Variants in EXOC4 observed in about 807,000 individuals in gnomAD.
EXOC4 encodes SEC8-like 1.
EXOC4 carries 71 observed loss-of-function variants against 107.2 expected under a neutral mutation model. The ratio of observed to expected loss-of-function variants is 0.66; its 90% confidence interval spans 0.55 to 0.81. The LOEUF is 0.81. Ranked by LOEUF, EXOC4 falls within the 30% of genes least tolerant of loss-of-function variation. The pLI is 0.00. For missense variants in EXOC4, 1,108 were observed against 1,189.6 expected, an observed-to-expected ratio of 0.93 and a Z score of 1.01; for synonymous variants, 456 against 441.2, an observed-to-expected ratio of 1.03 and a Z score of -0.42.
chr7:133,823,752 G>T (rs1346345448), intron 11 of EXOC4, among the ~76,000 whole-genome samples: 1 of 142,774 alleles, frequency 7.0e-6, no homozygotes, highest in African/African-American at 2.6e-5. Flanking sequence ...GGAGCTGGAG[G>T]TTGTAGTGAG....
intron 9 of EXOC4, among the ~76,000 whole-genome samples, chr7:133,613,772 G>A (rs1222737259): frequency 1.3e-5 from 2 of 152,084 alleles, no homozygotes; most frequent in Non-Finnish European, 2.9e-5. Flanking sequence ...TGAAAACCTT[G>A]TTCTTTTCAC....
At chr7:134,025,272 T>C (rs577640117) in intron 17 of EXOC4, among the ~76,000 whole-genome samples, 3 of 152,240 alleles carry the variant, frequency 2.0e-5, no homozygotes, top group Non-Finnish European at 4.4e-5. Context: ...GTATCACTTA[T>C]CTTGGTCAAT....
At chr7:133,457,223 G>C (rs2150818409) in intron 7 of EXOC4, among the ~76,000 whole-genome samples, 1 of 152,300 alleles carries the variant, frequency 6.6e-6, no homozygotes, top group South Asian at 2.1e-4. Context: ...AATTTTGTGA[G>C]ACACAGGAGA....
At chr7:134,041,659 A>G (rs1191001891) in intron 17 of EXOC4, among the ~76,000 whole-genome samples, 2 of 152,198 alleles carry the variant, frequency 1.3e-5, no homozygotes, top group Non-Finnish European at 2.9e-5. Flanking sequence ...TCAGTATATT[A>G]TAGAACTAAT....
intron 10 of EXOC4, among the ~76,000 whole-genome samples, chr7:133,751,975 T>A (rs934854530): frequency 1.0e-5 from 1 of 100,368 alleles, no homozygotes; most frequent in Non-Finnish European, 2.4e-5. Context: ...TGAGACTATC[T>A]CTCTACCAAA....
chr7:133,286,134 G>C (rs1290546390), intron 2 of EXOC4, among the ~76,000 whole-genome samples: 1 of 151,814 alleles, frequency 6.6e-6, no homozygotes, highest in Non-Finnish European at 1.5e-5. Context: ...TCCTTCCTTG[G>C]AACTCCTATC....
At chr7:133,594,038 A>G (rs530180710) in intron 9 of EXOC4, among the ~76,000 whole-genome samples, 44 of 152,348 alleles carry the variant, frequency 2.9e-4, no homozygotes, top group African/African-American at 9.4e-4. Flanking sequence ...TAAAGAGACT[A>G]TCCTCAAACT....
intron 14 of EXOC4, among the ~76,000 whole-genome samples, chr7:133,978,181 C>T (rs1054601930): frequency 6.6e-6 from 1 of 151,976 alleles, no homozygotes; most frequent in Non-Finnish European, 1.5e-5. Context: ...ATGTCACTTC[C>T]TTTTCTCTGG....
chr7:134,087,421 A>C, the EXOC4 span, among the ~76,000 whole-genome samples: 1 of 152,222 alleles, frequency 6.6e-6, no homozygotes, highest in Admixed American at 6.5e-5. Context: ...GAAGATTAAT[A>C]AGTGTTCAAT....
intron 10 of EXOC4, among the ~76,000 whole-genome samples, chr7:133,678,446 C>T (rs1794113297): frequency 6.6e-6 from 1 of 152,208 alleles, no homozygotes; most frequent in Non-Finnish European, 1.5e-5. Context: ...TTCCCTCATG[C>T]TGACCCCTTT....
chr7:133,555,408 T>C (rs546826117), intron 9 of EXOC4, among the ~76,000 whole-genome samples: 7 of 152,302 alleles, frequency 4.6e-5, no homozygotes, highest in African/African-American at 1.7e-4. Flanking sequence ...TTGAAAGTCA[T>C]TTAAGTTATT....
the EXOC4 span, among the ~76,000 whole-genome samples, chr7:134,090,500 T>C: frequency 1.3e-5 from 2 of 152,204 alleles, no homozygotes; most frequent in Non-Finnish European, 2.9e-5. Flanking sequence ...CCTTTTTCCA[T>C]TAATCAGAAC....
At chr7:133,942,380 A>T (rs1800451077) in intron 14 of EXOC4, among the ~76,000 whole-genome samples, 1 of 152,114 alleles carries the variant, frequency 6.6e-6, no homozygotes, top group Non-Finnish European at 1.5e-5. Flanking sequence ...TCTATAAAAT[A>T]TTGTAATGCA....
chr7:133,475,304 T>G, intron 7 of EXOC4, 24 bp from the exon 8 acceptor site: 1 of 1,573,658 alleles, frequency 6.4e-7, no homozygotes, highest in Non-Finnish European at 8.7e-7. Context: ...ATATTAACAT[T>G]AACTGATTTA....
chr7:133,280,617 T>C (rs1563000471), intron 2 of EXOC4, among the ~76,000 whole-genome samples: 1 of 152,212 alleles, frequency 6.6e-6, no homozygotes. Context: ...GATCAAGCTC[T>C]GAATCTCATT....
At chr7:133,370,568 C>T (rs1468672424) in intron 6 of EXOC4, among the ~76,000 whole-genome samples, 2 of 152,062 alleles carry the variant, frequency 1.3e-5, no homozygotes, top group Non-Finnish European at 2.9e-5. Flanking sequence ...GAGGAATTTC[C>T]GTGTGGACAA....
intron 10 of EXOC4, among the ~76,000 whole-genome samples, chr7:133,782,750 G>A (rs1210298585): frequency 6.6e-6 from 1 of 152,244 alleles, no homozygotes; most frequent in East Asian, 1.9e-4. Flanking sequence ...TCGGACCCGG[G>A]TACTTAACTA....
intron 9 of EXOC4, among the ~76,000 whole-genome samples, chr7:133,608,433 T>G (rs186701893): frequency 6.6e-6 from 1 of 152,034 alleles, no homozygotes; most frequent in East Asian, 1.9e-4. Flanking sequence ...AAAAAAAGAA[T>G]GTGGTATTCA....
chr7:133,624,791 C>T (rs996952987), intron 9 of EXOC4, among the ~76,000 whole-genome samples: 15 of 151,834 alleles, frequency 9.9e-5, no homozygotes, highest in Admixed American at 4.6e-4. Flanking sequence ...CAGGGTTTCA[C>T]CATGTTGTTC....
Sources: gnomAD v4.1 joint callset for allele counts (sites outside exome capture counted in the v4.1 genomes callset) on GRCh38, gnomAD v4.1.1 for gene constraint, MANE v1.5 for transcripts, NCBI Gene and HGNC (gene_info 2026-07-23, HGNC 2026-07-21) for gene names.